CACNA1S: variants seen among roughly 807,000 people sequenced by gnomAD.
CACNA1S encodes voltage-dependent L-type calcium channel subunit alpha-1S.
In CACNA1S, 126 loss-of-function variants were observed where a neutral mutation model predicts 207.4. The observed-to-expected ratio is 0.61, with a 90% CI of 0.53 to 0.70. The LOEUF (loss-of-function observed/expected upper bound fraction) is 0.70, where lower values mean the gene tolerates loss of function less well. Ranked by LOEUF, CACNA1S falls within the 30% of genes least tolerant of loss-of-function variation. CACNA1S has a pLI of 0.00. For missense variants in CACNA1S, 2,349 were observed against 2,422.8 expected, an observed-to-expected ratio of 0.97 and a Z score of 0.64; for synonymous variants, 960 against 932.7, an observed-to-expected ratio of 1.03 and a Z score of -0.53.
At chr1:201,043,119 C>G (rs2279944) in intron 40 of CACNA1S, 162 bp downstream of exon 40, 3 of 831,798 alleles carry the variant, frequency 3.6e-6, no homozygotes, top group Admixed American at 2.0e-5. Flanking sequence ...CCTCTGCCAT[C>G]GAGGTCGGCC....
chr1:201,078,647 T>G (rs1291689435), intron 10 of CACNA1S, among the ~76,000 whole-genome samples: 4 of 152,022 alleles, frequency 2.6e-5, no homozygotes, highest in Non-Finnish European at 5.9e-5. Flanking sequence ...AGTCTGCTAC[T>G]CTCTCATTCC....
chr1:201,090,597 C>T (rs1006007539), intron 5 of CACNA1S, among the ~76,000 whole-genome samples: 1 of 152,150 alleles, frequency 6.6e-6, no homozygotes, highest in African/African-American at 2.4e-5. Context: ...GAGGCTAAGT[C>T]CCAGTGAGCT....
chr1:201,075,866 G>A (rs1398747619), intron 12 of CACNA1S, among the ~76,000 whole-genome samples: 3 of 152,130 alleles, frequency 2.0e-5, no homozygotes, highest in Admixed American at 6.5e-5. Context: ...TCAGGAATTC[G>A]AGACCAGCTT....
chr1:201,093,360 G>T (rs1339847708), intron 3 of CACNA1S, among the ~76,000 whole-genome samples: 1 of 152,222 alleles, frequency 6.6e-6, no homozygotes, highest in East Asian at 1.9e-4. Context: ...AAACCTGCCA[G>T]CATCTTGACC....
chr1:201,092,182 C>A, intron 3 of CACNA1S, 68 bp from the exon 4 acceptor site: 2 of 1,587,076 alleles, frequency 1.3e-6, no homozygotes, highest in Non-Finnish European at 1.7e-6. Flanking sequence ...TGGTCTGAGG[C>A]CCTGTGTCCT....
chr1:201,104,956 C>T (rs892015819), intron 2 of CACNA1S, among the ~76,000 whole-genome samples: 1 of 152,222 alleles, frequency 6.6e-6, no homozygotes, highest in Non-Finnish European at 1.5e-5. Flanking sequence ...AAAGTACCTG[C>T]CTCATGGGCA....
chr1:201,109,584 A>G (rs1663024318), intron 2 of CACNA1S, among the ~76,000 whole-genome samples: 1 of 152,118 alleles, frequency 6.6e-6, no homozygotes, highest in Admixed American at 6.6e-5. Context: ...GGTGGGGAGG[A>G]GGTAGGACAG....
chr1:201,075,638 G>T, intron 12 of CACNA1S, 23 bp from the exon 13 acceptor site: 1 of 1,613,140 alleles, frequency 6.2e-7, no homozygotes, highest in South Asian at 1.1e-5. Context: ...AGGATAGAGG[G>T]CTCGGGAACA....
In CACNA1S at chr1:201,090,915, TA is replaced by T. The variant is rs1431903935; in HGVS notation, c.694+724del. Among the ~76,000 whole-genome samples, 3 of 152,250 alleles carry T rather than the reference TA, an allele frequency of 2.0e-5. No homozygotes were observed. The East Asian group carries it at 5.8e-4, about 29-fold the overall frequency. Reference sequence around the variant, plus strand: ...ATTACTGGTTTTGGAAAAATCTAGTTATTTTTTATTAGAAATATACTATTTA... The same window carrying T: ...ATTACTGGTTTTGGAAAAATCTAGTTTTTTTTATTAGAAATATACTATTTA... On this transcript the variant is annotated intron_variant, in intron 5 of 43. Transcript: ENST00000362061.
At chr1:201,094,723 G>A (rs1302509181) in intron 2 of CACNA1S, among the ~76,000 whole-genome samples, 1 of 152,122 alleles carries the variant, frequency 6.6e-6, no homozygotes, top group Non-Finnish European at 1.5e-5. Flanking sequence ...CTTAAAGGCC[G>A]TGACACTATT....
At chr1:201,047,649 G>T (rs763417354) in intron 36 of CACNA1S, 23 bp from the exon 37 acceptor site, 2 of 1,551,998 alleles carry the variant, frequency 1.3e-6, no homozygotes, top group Admixed American at 1.7e-5. Flanking sequence ...AAAGGCAAAA[G>T]TTACCCAGAT....
In CACNA1S at chr1:201,081,709, T is replaced by TC. The variant is rs547448212; in HGVS notation, c.1393+1452_1393+1453insG. ...TCCCAATGCTGGAGCTGGGGCCTGG[T>TC]GGGGGGTGTTTGGATTGTGGGGACA... On this transcript the variant is annotated intron_variant, in intron 10 of 43. Transcript: ENST00000362061. 2.6e-5 allele frequency among the ~76,000 whole-genome samples: 4 copies of TC among 152,126 alleles called. No homozygotes were observed. In the East Asian group the frequency reaches 7.7e-4, roughly 29 times the overall value.
Position 201,066,747 on chromosome 1 carries a change from C to G in CACNA1S, c.2657+140G>C. The stretch of plus-strand genomic sequence containing the variant: ...TTCCAGCTGGTGACAACCCACAGGA[C>G]CCCCTGCCTCCATCGGAGGCCCCGA... On this transcript the variant is annotated intron_variant, in intron 20 of 43. Coordinates refer to ENST00000362061, the MANE Select transcript of CACNA1S (RefSeq NM_000069.3). This position sits in a 1 kb window ranked among gnomAD's most constrained non-coding sequence, Gnocchi z 4.3. The G allele has an allele frequency of 4.3e-6, 3 of 699,830 alleles. No homozygotes were observed. The South Asian group carries it at 4.6e-5, about 11-fold the overall frequency. The allele number at this position is 699,830 out of a possible 1,614,324, so 43.4% of individuals were successfully genotyped here.
At chr1:201,090,258 T>C (rs1662177277) in intron 5 of CACNA1S, among the ~76,000 whole-genome samples, 1 of 152,202 alleles carries the variant, frequency 6.6e-6, no homozygotes, top group Non-Finnish European at 1.5e-5. Context: ...TGAGCACTGC[T>C]GCTCAGCATT....
chr1:201,074,185 T>G (rs935304398), intron 14 of CACNA1S, among the ~76,000 whole-genome samples: 2 of 152,156 alleles, frequency 1.3e-5, no homozygotes, highest in African/African-American at 4.8e-5. Flanking sequence ...CCCAGAGGCA[T>G]AGCGACTCAG....
At chr1:201,049,798 C>G (rs1660593763) in intron 34 of CACNA1S, among the ~76,000 whole-genome samples, 1 of 152,156 alleles carries the variant, frequency 6.6e-6, no homozygotes, top group Non-Finnish European at 1.5e-5. Context: ...TTGCTATAGG[C>G]ACCAAACAGA....
intron 2 of CACNA1S, among the ~76,000 whole-genome samples, chr1:201,106,975 G>A (rs957175115): frequency 1.3e-5 from 2 of 152,156 alleles, no homozygotes; most frequent in African/African-American, 2.4e-5. Flanking sequence ...CCTGAGACAC[G>A]GCCCTTCCCA....
chr1:201,054,924 A>T (rs1421095009), intron 28 of CACNA1S, among the ~76,000 whole-genome samples: 1 of 152,158 alleles, frequency 6.6e-6, no homozygotes, highest in Non-Finnish European at 1.5e-5. Context: ...ATGAAGGCGC[A>T]TTGGAAGATG....
chr1:201,110,203 G>A lies in CACNA1S; in HGVS notation c.219C>T (p.Pro73=). The A allele has an allele frequency of 3.1e-6, 5 of 1,614,198 alleles. No individual in the cohort carries two copies. Among genetic ancestry groups the A allele is most frequent in the Non-Finnish European group, 4.2e-6 (5 of 1,180,018 alleles). Residue 73 remains proline (P), a synonymous_variant, in exon 2 of 44, where the codon CCC becomes CCT. Transcript: ENST00000362061. The part of the protein sequence containing the change: ...ANCVALAVYL[P]MPEDDNNSLN... ...GAGAGTTGTTGTCATCTTCCGGCATGGGCAGGTACACGGCCAGGGCCACAC... is the reference window on the plus strand; with the variant it reads ...GAGAGTTGTTGTCATCTTCCGGCATAGGCAGGTACACGGCCAGGGCCACAC...
Sources: allele counts gnomAD v4.1 joint callset (sites outside exome capture counted in the v4.1 genomes callset), GRCh38; gene constraint gnomAD v4.1.1; non-coding constraint Gnocchi (gnomAD v3.1); transcripts MANE v1.5; gene names NCBI Gene and HGNC (gene_info 2026-07-23, HGNC 2026-07-21).